The following CASQ2 variants were observed in gnomAD, a reference collection of about 807,000 sequenced individuals.
The protein encoded by CASQ2 is calsequestrin 2, also known as calsequestrin-2.
A neutral mutation model predicts 46.5 loss-of-function variants in CASQ2; 49 were observed. That is an observed-to-expected ratio of 1.05 (90% CI 0.84 to 1.34). CASQ2 has a LOEUF of 1.34. Ranked by LOEUF, CASQ2 falls within the 40% of genes most tolerant of loss-of-function variation. The pLI is 0.00. For synonymous variants in CASQ2, 174 were observed against 168.5 expected, an observed-to-expected ratio of 1.03 and a Z score of -0.25; for missense variants, 486 against 481.3, an observed-to-expected ratio of 1.01 and a Z score of -0.09.
intron 8 of CASQ2, among the ~76,000 whole-genome samples, chr1:115,714,866 T>A (rs1263128024): frequency 6.6e-6 from 1 of 152,226 alleles, no homozygotes; most frequent in Non-Finnish European, 1.5e-5. Flanking sequence ...AAGCCCCAGC[T>A]TGGGCTCTTT....
At chr1:115,759,198 T>G (rs563039718) in intron 1 of CASQ2, among the ~76,000 whole-genome samples, 2 of 152,352 alleles carry the variant, frequency 1.3e-5, no homozygotes, top group South Asian at 4.1e-4. Flanking sequence ...GGGTGTGGTT[T>G]GTCCCCATCA....
chr1:115,739,167 AG>A (rs1187610815), intron 3 of CASQ2, among the ~76,000 whole-genome samples: 1 of 116,142 alleles, frequency 8.6e-6, no homozygotes, highest in East Asian at 3.0e-4. Flanking sequence ...GCTGGAGTGC[AG>A]TGGCACGATC....
chr1:115,718,003 G>A lies in CASQ2; in HGVS notation c.784-109C>T, dbSNP rs369151217. On this transcript the variant is annotated intron_variant, in intron 7 of 10. Transcript: ENST00000261448. ...AATGGGAATAGGAGAGGTAGGGAGAGGTGTGGAAGCGGGGATGAACACAGA... is the reference window on the plus strand; with the variant it reads ...AATGGGAATAGGAGAGGTAGGGAGAAGTGTGGAAGCGGGGATGAACACAGA... The A allele has an allele frequency of 8.7e-6, 7 of 802,542 alleles. No individual in the cohort carries two copies. The African/African-American group carries it at 1.0e-4, about 12-fold the overall frequency. 49.7% of individuals were successfully genotyped at this position (802,542 alleles called of 1,614,324 possible).
chr1:115,737,870 G>A (rs1285685845), intron 4 of CASQ2, among the ~76,000 whole-genome samples: 2 of 152,186 alleles, frequency 1.3e-5, no homozygotes, highest in East Asian at 3.9e-4. Context: ...GGTGACCATA[G>A]GAGCTACCAA....
chr1:115,743,516 C>T (rs1648268154), intron 2 of CASQ2, among the ~76,000 whole-genome samples: 1 of 152,160 alleles, frequency 6.6e-6, no homozygotes, highest in Admixed American at 6.5e-5. Context: ...AGTGCCCAGA[C>T]ATTCTTAATA....
At chr1:115,751,156 G>T (rs1648566202) in intron 1 of CASQ2, among the ~76,000 whole-genome samples, 3 of 152,260 alleles carry the variant, frequency 2.0e-5, no homozygotes, top group Admixed American at 2.0e-4. Context: ...TTCTTGGCAT[G>T]CAGTAAGTGC....
At chr1:115,743,140 A>G (rs1570837947) in intron 2 of CASQ2, among the ~76,000 whole-genome samples, 2 of 152,248 alleles carry the variant, frequency 1.3e-5, no homozygotes, top group South Asian at 4.1e-4. Context: ...TCAAGGGAGA[A>G]AAATATCCCT....
intron 9 of CASQ2, among the ~76,000 whole-genome samples, chr1:115,704,544 G>A (rs532492040): frequency 6.6e-6 from 1 of 152,320 alleles, no homozygotes; most frequent in Admixed American, 6.5e-5. Flanking sequence ...ATCAGTACCA[G>A]TACTTATTAT....
intron 3 of CASQ2, among the ~76,000 whole-genome samples, chr1:115,740,163 C>T (rs1447476264): frequency 6.6e-6 from 1 of 152,214 alleles, no homozygotes; most frequent in Non-Finnish European, 1.5e-5. Flanking sequence ...TTGAACTTCA[C>T]AGCGGTTACT....
chr1:115,762,687 A>G (rs1287340171), intron 1 of CASQ2, among the ~76,000 whole-genome samples: 2 of 152,178 alleles, frequency 1.3e-5, no homozygotes, highest in African/African-American at 2.4e-5. Context: ...AATTGTTTCT[A>G]TGTAAGTGTG....
chr1:115,713,428 C>G (rs1654608160), intron 8 of CASQ2, among the ~76,000 whole-genome samples: 3 of 152,080 alleles, frequency 2.0e-5, no homozygotes, highest in African/African-American at 7.2e-5. Context: ...CGATTAGGCT[C>G]GAGGGCCAGG....
At chr1:115,761,482 AAGAAGG>A (rs1220977752) in intron 1 of CASQ2, among the ~76,000 whole-genome samples, 3 of 18,682 alleles carry the variant, frequency 1.6e-4, no homozygotes, top group African/African-American at 2.2e-4. Context: ...GAAGAAGAAG[AAGAAGG>A]AGAAGAAGGA....
At chr1:115,728,460 CAG>C (rs1272537927) in intron 5 of CASQ2, among the ~76,000 whole-genome samples, 1 of 151,982 alleles carries the variant, frequency 6.6e-6, no homozygotes, top group African/African-American at 2.4e-5. Flanking sequence ...TCCCTCTTCT[CAG>C]GGGTAGGGGG....
At chr1:115,702,636 G>T (rs377142105) in intron 10 of CASQ2, among the ~76,000 whole-genome samples, 12 of 152,218 alleles carry the variant, frequency 7.9e-5, no homozygotes, top group African/African-American at 2.4e-4. Flanking sequence ...GACTTTGGGG[G>T]TAAATACAGG....
At chr1:115,766,128 T>A (rs1283763979) in intron 1 of CASQ2, among the ~76,000 whole-genome samples, 1 of 152,186 alleles carries the variant, frequency 6.6e-6, no homozygotes, top group Non-Finnish European at 1.5e-5. Context: ...CATGTACTTC[T>A]CGGCCATGCT....
rs761636557 is a variant in CASQ2 at position 115,738,222 on chromosome 1, A to G, written c.532+2T>C. The G allele has an allele frequency of 6.3e-7, 1 of 1,576,288 alleles. No homozygotes were observed. Among genetic ancestry groups the G allele is most frequent in the South Asian group, 1.1e-5 (1 of 90,340 alleles). ...ATCGGCTGGGGTTGGCAGACAACTT[A>G]CATTCTGAGTCCTCACTCTTGAAAA... On this transcript the variant is annotated splice_donor_variant, in intron 4 of 10. Coordinates refer to ENST00000261448, the MANE Select transcript of CASQ2 (RefSeq NM_001232.4). LOFTEE classifies it high-confidence loss of function.
chr1:115,742,031 A>G (rs1648199961), intron 2 of CASQ2, among the ~76,000 whole-genome samples: 1 of 152,066 alleles, frequency 6.6e-6, no homozygotes, highest in Non-Finnish European at 1.5e-5. Context: ...AAAAGGAGCA[A>G]TGTGCCAGGT....
chr1:115,742,129 A>T (rs535284571), intron 2 of CASQ2, among the ~76,000 whole-genome samples: 44 of 152,200 alleles, frequency 2.9e-4, no homozygotes, highest in African/African-American at 1.0e-3. Flanking sequence ...CTCCTGCCTC[A>T]GCCTCCTGAA....
intron 2 of CASQ2, among the ~76,000 whole-genome samples, chr1:115,743,225 A>G (rs967831397): frequency 1.3e-5 from 2 of 151,256 alleles, no homozygotes; most frequent in African/African-American, 4.9e-5. Context: ...TTATTTATTT[A>G]TTTATTTATT....
Sources: allele counts gnomAD v4.1 joint callset (sites outside exome capture counted in the v4.1 genomes callset), GRCh38; gene constraint gnomAD v4.1.1; transcripts MANE v1.5; gene names NCBI Gene and HGNC (gene_info 2026-07-23, HGNC 2026-07-21).